Variants in ANO2 observed in about 807,000 individuals in gnomAD.
ANO2 encodes anoctamin-2.
In ANO2, 101 loss-of-function variants were observed where a neutral mutation model predicts 124.2. The ratio of observed to expected loss-of-function variants is 0.81; its 90% CI spans 0.69 to 0.96. ANO2 has a LOEUF of 0.96. ANO2 is among the 40% of genes least tolerant of loss of function. The pLI, the probability that ANO2 is intolerant of heterozygous loss-of-function variation, is 0.00. For synonymous variants in ANO2, 486 were observed against 482.5 expected (o/e 1.01, Z -0.09); for missense variants, 1,293 against 1,274.5 (o/e 1.01, Z -0.22).
At chr12:5,873,080 A>G (rs1317239365) in intron 3 of ANO2, among the ~76,000 whole-genome samples, 1 of 152,230 alleles carries the variant, frequency 6.6e-6, no homozygotes, top group African/African-American at 2.4e-5. Flanking sequence ...TTGCAAGGCT[A>G]CTGTAAATCA....
chr12:5,606,028 T>A (rs1016058671), intron 19 of ANO2, among the ~76,000 whole-genome samples: 2 of 152,198 alleles, frequency 1.3e-5, no homozygotes, highest in Non-Finnish European at 2.9e-5. Context: ...ATGGCATTAG[T>A]CACAGAGCTG....
Position 5,635,012 on chromosome 12 carries a change from A to C in ANO2, c.1816+140T>G. On this transcript the variant is annotated intron_variant, in intron 16 of 24. Transcript: ENST00000682330. The surrounding 1 kb of genome is among the most constrained non-coding windows in gnomAD (Gnocchi z 5.2). ...AGCCCTACAAATACACACACGTTGC[A>C]CTTCCCCATTTCTCTAATTAAAATG... 2.8e-6 allele frequency: 2 copies of C among 713,950 alleles called. No homozygotes were observed. The highest frequency in any genetic ancestry group is 2.1e-6 in the Non-Finnish European group (1 of 468,736). 44.2% of individuals were successfully genotyped at this position (713,950 alleles called of 1,614,324 possible). A position where few individuals can be genotyped will look rare whatever the true frequency, so the allele number is the denominator to read the frequency against.
rs1375290690 is a variant in ANO2, at chr12:5,907,190, G to A, written c.534+13850C>T. Among the ~76,000 whole-genome samples the A allele has an allele frequency of 4.6e-5, 7 of 152,096 alleles. 1 individual carries two copies. The highest frequency in any genetic ancestry group is 1.2e-4 in the African/African-American group (5 of 41,414). On this transcript the variant is annotated intron_variant, in intron 3 of 24. Coordinates refer to ENST00000682330, the MANE Select transcript of ANO2 (RefSeq NM_001364791.2). ...GAAATGAATGATGTCGTTTTGTTTC[G>A]GTTGTGCCTATTTTTATAATTATTG... is the stretch of plus-strand genomic sequence containing the variant.
At chr12:5,656,230 A>G (rs963326634) in intron 14 of ANO2, among the ~76,000 whole-genome samples, 3 of 152,188 alleles carry the variant, frequency 2.0e-5, no homozygotes, top group Admixed American at 2.0e-4. Context: ...GGACCCTCAA[A>G]TTCTTATCAC....
chr12:5,803,094 T>A (rs1953090407), intron 9 of ANO2, among the ~76,000 whole-genome samples: 1 of 152,162 alleles, frequency 6.6e-6, no homozygotes, highest in South Asian at 2.1e-4. Flanking sequence ...GGCCACAAGC[T>A]CCTCAGAGAG....
intron 1 of ANO2, among the ~76,000 whole-genome samples, chr12:5,939,404 CGT>C (rs1942804683): frequency 6.6e-6 from 1 of 152,114 alleles, no homozygotes; most frequent in Admixed American, 6.5e-5. Flanking sequence ...GAGCACCTAC[CGT>C]GTGTCAGGCT....
intron 3 of ANO2, among the ~76,000 whole-genome samples, chr12:5,876,194 C>T (rs561220632): frequency 1.3e-5 from 2 of 152,316 alleles, no homozygotes; most frequent in African/African-American, 4.8e-5. Flanking sequence ...ATTTTAATTA[C>T]TTCACCTGCC....
At chr12:5,754,904 A>T (rs901481391) in intron 10 of ANO2, among the ~76,000 whole-genome samples, 69 of 152,004 alleles carry the variant, frequency 4.5e-4, no homozygotes, top group African/African-American at 1.6e-3. Flanking sequence ...ATCCTGTCTT[A>T]TATTTATTTA....
At chr12:5,733,466 C>G (rs1950727177) in intron 13 of ANO2, among the ~76,000 whole-genome samples, 1 of 152,234 alleles carries the variant, frequency 6.6e-6, no homozygotes, top group South Asian at 2.1e-4. Flanking sequence ...GAACAAACAT[C>G]TACAGGTGTG....
intron 15 of ANO2, among the ~76,000 whole-genome samples, chr12:5,646,166 C>G (rs1439306672): frequency 1.3e-5 from 2 of 152,160 alleles, no homozygotes; most frequent in Admixed American, 6.5e-5. Flanking sequence ...CCTCCCTGCT[C>G]CCATAAAACC....
intron 10 of ANO2, among the ~76,000 whole-genome samples, chr12:5,762,327 A>G (rs1268910403): frequency 6.6e-6 from 1 of 152,036 alleles, no homozygotes; most frequent in Non-Finnish European, 1.5e-5. Flanking sequence ...TTTGACACTG[A>G]AAAATTGTTC....
At chr12:5,843,064 G>C (rs1286534219) in intron 4 of ANO2, among the ~76,000 whole-genome samples, 3 of 152,098 alleles carry the variant, frequency 2.0e-5, no homozygotes. Context: ...AAATGTTAGA[G>C]AACAGGTAAT....
intron 23 of ANO2, among the ~76,000 whole-genome samples, chr12:5,572,393 T>C (rs994432696): frequency 1.3e-5 from 2 of 152,166 alleles, no homozygotes; most frequent in African/African-American, 2.4e-5. Context: ...AATGTGATTG[T>C]CTCCATGGCC....
intron 14 of ANO2, among the ~76,000 whole-genome samples, chr12:5,713,331 A>C (rs140902495): frequency 6.6e-6 from 1 of 152,362 alleles, no homozygotes; most frequent in East Asian, 1.9e-4. Context: ...AATGAACCAC[A>C]TGCATTTATT....
intron 4 of ANO2, among the ~76,000 whole-genome samples, chr12:5,847,544 G>C (rs1453744935): frequency 2.0e-5 from 3 of 151,680 alleles, no homozygotes; most frequent in African/African-American, 7.3e-5. Flanking sequence ...TGAGAAATAA[G>C]AGGTGCTGCA....
Position 5,862,323 on chromosome 12 carries a change from T to C in ANO2, c.535-8182A>G, listed in dbSNP as rs1043885856. On this transcript the variant is annotated intron_variant, in intron 3 of 24. Transcript: ENST00000682330. The surrounding 1 kb of genome is among the most constrained non-coding windows in gnomAD (Gnocchi z 4.0). The stretch of plus-strand genomic sequence containing the variant: ...CCCACTAAGACCAGCAGCAAGACCC[T>C]TCCTTCTTATGGAAAAGACTTCACC... 2.0e-5 allele frequency among the ~76,000 whole-genome samples: 3 copies of C among 152,130 alleles called. No homozygotes were observed. Among genetic ancestry groups the C allele is most frequent in the African/African-American group, 4.8e-5 (2 of 41,422 alleles).
Position 5,830,397 on chromosome 12 carries a change from C to T in ANO2, c.840+38G>A, listed in dbSNP as rs975850319. The T allele has an allele frequency of 2.5e-6, 4 of 1,601,444 alleles. No individual in the cohort carries two copies. The African/African-American group carries it at 4.0e-5, about 16-fold the overall frequency. On this transcript the variant is annotated intron_variant, in intron 6 of 24. Transcript: ENST00000682330. The stretch of plus-strand genomic sequence containing the variant: ...GCCAACTAGGAACTCAGCCCTTTCC[C>T]CATCCTCTTTCCTAACACAGTACAT...
chr12:5,906,666 G>C (rs1055589125), intron 3 of ANO2, among the ~76,000 whole-genome samples: 1 of 151,966 alleles, frequency 6.6e-6, no homozygotes, highest in Non-Finnish European at 1.5e-5. Flanking sequence ...ATGGTGGTGC[G>C]CACCTGTAGT....
At chr12:5,859,250 T>C (rs1158358845) in intron 3 of ANO2, among the ~76,000 whole-genome samples, 2 of 152,236 alleles carry the variant, frequency 1.3e-5, no homozygotes, top group African/African-American at 4.8e-5. Context: ...GGCACAGATA[T>C]TTCTGTAGGA....
Sources: allele counts gnomAD v4.1 joint callset (sites outside exome capture counted in the v4.1 genomes callset), GRCh38; gene constraint gnomAD v4.1.1; non-coding constraint Gnocchi (gnomAD v3.1); transcripts MANE v1.5; gene names NCBI Gene and HGNC (gene_info 2026-07-23, HGNC 2026-07-21).